The following KCNC1 variants were observed in gnomAD, a reference collection of about 807,000 sequenced individuals.
KCNC1 encodes potassium voltage-gated channel subfamily C member 1, also known as voltage-gated potassium channel KCNC1.
A neutral mutation model predicts 43.4 loss-of-function variants in KCNC1; 8 were observed. That is an observed-to-expected ratio of 0.18 (90% CI 0.11 to 0.33). The LOEUF is 0.33. KCNC1 is among the 10% of genes least tolerant of loss of function. The pLI is 1.00. For synonymous variants in KCNC1, 361 were observed against 360.5 expected (o/e 1.00, Z -0.01); for missense variants, 420 against 836.0 (o/e 0.50, Z 6.14).
chr11:17,763,792 TACAC>T (rs1194309093), intron 1 of KCNC1, among the ~76,000 whole-genome samples: 143 of 47,958 alleles, frequency 3.0e-3, no homozygotes, highest in Non-Finnish European at 4.5e-3. Flanking sequence ...ACACACACAA[TACAC>T]ACACACACAG....
rs112567145 is a variant in KCNC1 at position 17,775,213 on chromosome 11, A to G, written c.1504+2615A>G. ...AGTCTAGTGGCCTCGCCAAAACCTG[A>G]GCTTCTCCAATTCCACTTTTAAAAC... is the stretch of plus-strand genomic sequence containing the variant. On this transcript the variant is annotated intron_variant, in intron 2 of 3. Transcript: ENST00000265969. 1.0e-5 allele frequency: 10 copies of G among 985,500 alleles called. 1 individual carries two copies. In the African/African-American group the frequency reaches 1.2e-4, roughly 12 times the overall value. The allele number at this position is 985,500 out of a possible 1,614,324, so 61.0% of individuals were successfully genotyped here.
chr11:17,776,741 CA>C lies in KCNC1; in HGVS notation c.1505-2714del. ...CCACTATCTCATCCAAAGGATGGGG[CA>C]GGGGCGGGGGCTCACACCTTTGACC... On this transcript the variant is annotated intron_variant, in intron 2 of 3. Transcript: ENST00000265969. The surrounding 1 kb of genome is among the most constrained non-coding windows in gnomAD (Gnocchi z 4.4). 1.6e-5 allele frequency: 16 copies of C among 985,408 alleles called. No individual in the cohort carries two copies. Among genetic ancestry groups the C allele is most frequent in the Non-Finnish European group, 1.9e-5 (16 of 829,952 alleles). The allele number at this position is 985,408 out of a possible 1,614,324, so 61.0% of individuals were successfully genotyped here. A position where few individuals can be genotyped will look rare whatever the true frequency, so the allele number is the denominator to read the frequency against.
At chr11:17,748,207 C>T (rs1449827221) in intron 1 of KCNC1, among the ~76,000 whole-genome samples, 4 of 151,994 alleles carry the variant, frequency 2.6e-5, no homozygotes, top group Non-Finnish European at 4.4e-5. Flanking sequence ...TCACTGTGAG[C>T]GCAGGTCATA....
At chr11:17,769,824 T>C (rs1192799113) in intron 1 of KCNC1, among the ~76,000 whole-genome samples, 2 of 152,158 alleles carry the variant, frequency 1.3e-5, no homozygotes, top group Admixed American at 1.3e-4. Flanking sequence ...CGCACAATGC[T>C]CTGGAACCAA....
In KCNC1 at chr11:17,768,218, C is replaced by T. The variant is rs148714593; in HGVS notation, c.571-3447C>T. ...TGAAGGGGAACCTCACCTCAGGGGA[C>T]GGGTCACTTAGTAGGGCCCTGAAGG... On this transcript the variant is annotated intron_variant, in intron 1 of 3. Coordinates refer to ENST00000265969, the MANE Select transcript of KCNC1 (RefSeq NM_001112741.2). Among the ~76,000 whole-genome samples, 208 of 152,224 alleles carry T rather than the reference C, an allele frequency of 1.4e-3. 1 individual carries two copies. The highest frequency in any genetic ancestry group is 4.6e-3 in the African/African-American group (190 of 41,554).
rs1217534910 is a variant in KCNC1 at position 17,739,677 on chromosome 11, G to C, written c.570+3105G>C. Among the ~76,000 whole-genome samples, 2 of 84,666 alleles carry C rather than the reference G, an allele frequency of 2.4e-5. No homozygotes were observed. The highest frequency in any genetic ancestry group is 4.2e-5 in the Non-Finnish European group (2 of 47,208). The allele number at this position is 84,666 out of a possible 152,430, so 55.5% of individuals were successfully genotyped here. A position where few individuals can be genotyped will look rare whatever the true frequency, so the allele number is the denominator to read the frequency against. On this transcript the variant is annotated intron_variant, in intron 1 of 3. Transcript: ENST00000265969. The surrounding 1 kb of genome is among the most constrained non-coding windows in gnomAD (Gnocchi z 4.2). ...ATGTGGAGCTCATGTGTGAGTCTGTGTGTGTGTGTGTGTGTGTGTGTGTGT... is the reference window on the plus strand; with the variant it reads ...ATGTGGAGCTCATGTGTGAGTCTGTCTGTGTGTGTGTGTGTGTGTGTGTGT...
intron 1 of KCNC1, among the ~76,000 whole-genome samples, chr11:17,748,049 G>A (rs527289180): frequency 6.6e-6 from 1 of 152,224 alleles, no homozygotes; most frequent in Admixed American, 6.5e-5. Flanking sequence ...GACAGGTGCT[G>A]CTCAAGAAGC....
At chr11:17,761,113 T>C (rs892254942) in intron 1 of KCNC1, among the ~76,000 whole-genome samples, 15 of 152,110 alleles carry the variant, frequency 9.9e-5, no homozygotes, top group African/African-American at 3.1e-4. Context: ...ACCATGTCTC[T>C]CACTGACTGG....
intron 1 of KCNC1, among the ~76,000 whole-genome samples, chr11:17,752,472 G>A (rs1313654151): frequency 6.6e-6 from 1 of 152,176 alleles, no homozygotes; most frequent in Non-Finnish European, 1.5e-5. Context: ...CCATAAAAAA[G>A]CTCCACATGC....
chr11:17,747,312 C>T (rs2133784714), intron 1 of KCNC1, among the ~76,000 whole-genome samples: 1 of 152,314 alleles, frequency 6.6e-6, no homozygotes, highest in Admixed American at 6.5e-5. Context: ...TGCTCTTCCT[C>T]CATCCCCAGG....
intron 1 of KCNC1, among the ~76,000 whole-genome samples, chr11:17,743,723 C>G (rs739993): frequency 0.12 from 18,030 of 152,284 alleles, 1,429 homozygotes; most frequent in Admixed American, 0.19. Context: ...CGGCTCCCTT[C>G]CGCCAGCCTC....
Position 17,776,657 on chromosome 11 carries a change from G to A in KCNC1, c.1505-2799G>A, listed in dbSNP as rs915297746. The A allele has an allele frequency of 2.0e-6, 2 of 984,530 alleles. No homozygotes were observed. Among genetic ancestry groups the A allele is most frequent in the African/African-American group, 3.5e-5 (2 of 57,024 alleles). The allele number at this position is 984,530 out of a possible 1,614,324, so 61.0% of individuals were successfully genotyped here. A position where few individuals can be genotyped will look rare whatever the true frequency, so the allele number is the denominator to read the frequency against. On this transcript the variant is annotated intron_variant, in intron 2 of 3. Transcript: ENST00000265969. The surrounding 1 kb of genome is among the most constrained non-coding windows in gnomAD (Gnocchi z 4.4). Reference sequence around the variant, plus strand: ...GGTCTAGTGGGGGCCTGGGGGCCCTGGGCTGGGGGAGGCAGGGCCCCCAGC... The same window carrying A: ...GGTCTAGTGGGGGCCTGGGGGCCCTAGGCTGGGGGAGGCAGGGCCCCCAGC...
At chr11:17,758,051 ACTT>A (rs1849040618) in intron 1 of KCNC1, among the ~76,000 whole-genome samples, 1 of 152,234 alleles carries the variant, frequency 6.6e-6, no homozygotes. Flanking sequence ...CCACAGTAGA[ACTT>A]CTTTCAAAAC....
chr11:17,758,643 TCATCTCCTTGTA>T (rs1849045505), intron 1 of KCNC1, among the ~76,000 whole-genome samples: 1 of 152,218 alleles, frequency 6.6e-6, no homozygotes, highest in Admixed American at 6.5e-5. Context: ...AGAACAACAT[TCATCTCCTTGTA>T]CATCTCTATC....
Position 17,776,061 on chromosome 11 carries a change from T to C in KCNC1, c.1505-3395T>C, listed in dbSNP as rs1590108392. ...TTTCTGCAGGGACCCAGCTGCAGGG[T>C]CAGCAGCCTGTGGGCCCTGAGTGGG... On this transcript the variant is annotated intron_variant, in intron 2 of 3. Transcript: ENST00000265969. This position sits in a 1 kb window ranked among gnomAD's most constrained non-coding sequence, Gnocchi z 4.4. The C allele has an allele frequency of 3.0e-6, 3 of 985,152 alleles. No homozygotes were observed. The highest frequency in any genetic ancestry group is 3.5e-5 in the African/African-American group (2 of 57,172). 61.0% of individuals were successfully genotyped at this position (985,152 alleles called of 1,614,324 possible). A position where few individuals can be genotyped will look rare whatever the true frequency, so the allele number is the denominator to read the frequency against.
At chr11:17,765,168 G>A (rs764418716) in intron 1 of KCNC1, among the ~76,000 whole-genome samples, 18 of 152,252 alleles carry the variant, frequency 1.2e-4, no homozygotes, top group Non-Finnish European at 2.4e-4. Context: ...GAAGCAACTC[G>A]CCAAGGTCAC....
intron 1 of KCNC1, among the ~76,000 whole-genome samples, chr11:17,757,838 A>G (rs894296597): frequency 6.6e-6 from 1 of 152,348 alleles, no homozygotes; most frequent in Admixed American, 6.5e-5. Context: ...ATGAGCCTTC[A>G]GTGAGTCATA....
chr11:17,736,104 C>T lies in KCNC1; in HGVS notation c.102C>T (p.Leu34=), dbSNP rs370742331. Residue 34 remains leucine (L), a synonymous_variant, in exon 1 of 4, where the codon CTC becomes CTT. Coordinates refer to ENST00000265969, the MANE Select transcript of KCNC1 (RefSeq NM_001112741.2). The surrounding 1 kb of genome is among the most constrained non-coding windows in gnomAD (Gnocchi z 9.3). ...STLRTLPGTR[L]AWLAEPDAHS... ...TGCGCACGCTGCCCGGCACGCGGCT[C>T]GCCTGGCTGGCGGAGCCCGACGCCC... 1.2e-6 allele frequency: 2 copies of T among 1,609,572 alleles called. No individual in the cohort carries two copies. Among genetic ancestry groups the T allele is most frequent in the African/African-American group, 1.3e-5 (1 of 74,850 alleles).
At chr11:17,759,259 T>G (rs1565158941) in intron 1 of KCNC1, among the ~76,000 whole-genome samples, 1 of 152,270 alleles carries the variant, frequency 6.6e-6, no homozygotes, top group East Asian at 1.9e-4. Flanking sequence ...TTAGCCTTCC[T>G]AGAATTCAAG....
Sources: allele counts gnomAD v4.1 joint callset (sites outside exome capture counted in the v4.1 genomes callset), GRCh38; gene constraint gnomAD v4.1.1; non-coding constraint Gnocchi (gnomAD v3.1); transcripts MANE v1.5; gene names NCBI Gene and HGNC (gene_info 2026-07-23, HGNC 2026-07-21).